Variants in SAXO1 observed in about 807,000 individuals in gnomAD.
The protein encoded by SAXO1 is 4930500O09Rik.
In SAXO1, 21 loss-of-function variants were observed where a neutral mutation model predicts 17.5. The ratio of observed to expected loss-of-function variants is 1.20; its 90% CI spans 0.85 to 1.72. The LOEUF is 1.72. Ranked by LOEUF, SAXO1 falls within the 40% of genes most tolerant of loss-of-function variation. The pLI, the probability that SAXO1 is intolerant of heterozygous loss-of-function variation, is 0.00. For missense variants in SAXO1, 843 were observed against 596.0 expected (o/e 1.41, Z -4.32); for synonymous variants, 274 against 216.5 (o/e 1.27, Z -2.33).
chr9:18,945,794 A>C (rs1831767102), intron 2 of SAXO1, among the ~76,000 whole-genome samples: 1 of 152,184 alleles, frequency 6.6e-6, no homozygotes, highest in Admixed American at 6.5e-5. Flanking sequence ...TTAAAGCTCT[A>C]AAAAGGTAGA....
At chr9:18,964,915 A>C (rs966410965) in intron 1 of SAXO1, among the ~76,000 whole-genome samples, 1 of 152,140 alleles carries the variant, frequency 6.6e-6, no homozygotes, top group South Asian at 2.1e-4. Flanking sequence ...TTCCCTCTAC[A>C]CACTGCTTTA....
intron 1 of SAXO1, among the ~76,000 whole-genome samples, chr9:18,977,532 A>G (rs1833199055): frequency 6.6e-6 from 1 of 152,208 alleles, no homozygotes; most frequent in Admixed American, 6.5e-5. Flanking sequence ...GGGGTGGAAT[A>G]CAAATTTAAA....
intron 1 of SAXO1, among the ~76,000 whole-genome samples, chr9:18,958,126 T>C (rs570014074): frequency 5.3e-5 from 8 of 152,174 alleles, no homozygotes; most frequent in African/African-American, 1.7e-4. Context: ...TGATCAGGGA[T>C]CATAAACCAG....
At chr9:19,034,410 TTA>T (rs569297005), upstream of SAXO1, among the ~76,000 whole-genome samples, 54 of 152,060 alleles carry the variant, frequency 3.6e-4, no homozygotes, top group South Asian at 0.011. Flanking sequence ...GTTGAAAAAA[TTA>T]AAATAATAAT....
upstream of SAXO1, among the ~76,000 whole-genome samples, chr9:19,038,117 G>A (rs1835987177): frequency 6.6e-6 from 1 of 152,196 alleles, no homozygotes; most frequent in South Asian, 2.1e-4. Flanking sequence ...ACAGGTGCCG[G>A]AGAGGATGTG....
At chr9:18,971,229 T>C (rs927168422) in intron 1 of SAXO1, among the ~76,000 whole-genome samples, 1 of 152,180 alleles carries the variant, frequency 6.6e-6, no homozygotes, top group East Asian at 1.9e-4. Flanking sequence ...CAAATTCAAT[T>C]GAGCAGCGAG....
chr9:18,927,977 T>G lies in SAXO1; in HGVS notation c.*75A>C. 6.9e-7 allele frequency: 1 copy of G among 1,444,468 alleles called. No individual in the cohort carries two copies. The highest frequency in any genetic ancestry group is 1.4e-5 in the African/African-American group (1 of 70,686). The allele number at this position is 1,444,468 out of a possible 1,614,324, so 89.5% of individuals were successfully genotyped here. On this transcript the variant is annotated 3_prime_UTR_variant, in exon 4 of 4. Transcript: ENST00000380534. ...TTTTTTGTCATTTTAGGGAATTCTT[T>G]TTTGTCCAACAAATAATTCTCAGTT...
intron 1 of SAXO1, among the ~76,000 whole-genome samples, chr9:19,028,609 CT>C (rs961774131): frequency 6.6e-6 from 1 of 152,184 alleles, no homozygotes; most frequent in Non-Finnish European, 1.5e-5. Flanking sequence ...CAATACTCTG[CT>C]TTTTTGGTGC....
At chr9:18,988,948 A>G (rs1271134622) in intron 1 of SAXO1, among the ~76,000 whole-genome samples, 2 of 152,208 alleles carry the variant, frequency 1.3e-5, no homozygotes, top group African/African-American at 4.8e-5. Flanking sequence ...AGAGGGGAGT[A>G]TAAAAACCTT....
intron 1 of SAXO1, among the ~76,000 whole-genome samples, chr9:19,014,582 G>C (rs886167159): frequency 4.6e-5 from 7 of 151,754 alleles, no homozygotes; most frequent in African/African-American, 1.5e-4. Flanking sequence ...GCCCCAGATA[G>C]AGGAGTGAAA....
chr9:18,972,152 G>C (rs1020575379), intron 1 of SAXO1, among the ~76,000 whole-genome samples: 1 of 152,240 alleles, frequency 6.6e-6, no homozygotes, highest in East Asian at 1.9e-4. Context: ...TCAAGGGAAT[G>C]AAGAGGTGTT....
At chr9:18,996,089 AAAAG>A (rs1358982346) in intron 1 of SAXO1, among the ~76,000 whole-genome samples, 24 of 151,060 alleles carry the variant, frequency 1.6e-4, no homozygotes, top group Admixed American at 1.5e-3. Context: ...CAAAAAAAAA[AAAAG>A]AAAAGAAAGT....
chr9:19,024,074 C>T (rs1835369425), intron 1 of SAXO1, among the ~76,000 whole-genome samples: 1 of 94,940 alleles, frequency 1.1e-5, no homozygotes, highest in Non-Finnish European at 1.9e-5. Flanking sequence ...CTATGTTACT[C>T]TCCAGCTCAA....
chr9:19,001,655 G>A lies in SAXO1; in HGVS notation c.38+31216C>T, dbSNP rs547211569. Reference sequence around the variant, plus strand: ...CACTCTAGCCTGGGCAACAGAGCAAGACTCCGTCAAAAAAAAAAAAAAAGA... The same window carrying A: ...CACTCTAGCCTGGGCAACAGAGCAAAACTCCGTCAAAAAAAAAAAAAAAGA... On this transcript the variant is annotated intron_variant, in intron 1 of 3. Coordinates refer to ENST00000380534, the MANE Select transcript of SAXO1 (RefSeq NM_153707.4). Among the ~76,000 whole-genome samples the A allele has an allele frequency of 3.5e-3, 445 of 127,856 alleles. 8 individuals carry two copies. The South Asian group carries it at 0.055, about 16-fold the overall frequency. 83.9% of individuals were successfully genotyped at this position (127,856 alleles called of 152,430 possible). A position where few individuals can be genotyped will look rare whatever the true frequency, so the allele number is the denominator to read the frequency against.
upstream of SAXO1, among the ~76,000 whole-genome samples, chr9:19,036,806 G>C (rs1473208424): frequency 1.3e-5 from 2 of 152,176 alleles, no homozygotes; most frequent in Non-Finnish European, 2.9e-5. Context: ...CCACCTAGTG[G>C]AGCTGTGAGA....
intron 3 of SAXO1, among the ~76,000 whole-genome samples, chr9:18,929,476 C>T (rs1286493900): frequency 6.6e-6 from 1 of 152,126 alleles, no homozygotes; most frequent in African/African-American, 2.4e-5. Flanking sequence ...ATTCACAACC[C>T]ACCACTGGTG....
chr9:19,028,148 A>T, intron 1 of SAXO1: 1 of 1,548,022 alleles, frequency 6.5e-7, no homozygotes, highest in South Asian at 1.1e-5. Context: ...ACGGCAGGCC[A>T]GCCCCGGACT....
intron 3 of SAXO1, among the ~76,000 whole-genome samples, chr9:18,937,348 T>C (rs1831344244): frequency 6.6e-6 from 1 of 152,164 alleles, no homozygotes; most frequent in African/African-American, 2.4e-5. Flanking sequence ...TTGTAAACAA[T>C]GGTTCAGAAC....
At position 18,968,309 on chromosome 9, in the gene SAXO1, C is replaced by A. The variant is rs189323566; in HGVS notation, c.39-17372G>T. ...ATCCACCTGCCTTGGCCTCCCAAAG[C>A]ACTGGGATTACAGATGTGAGCCACA... On this transcript the variant is annotated intron_variant, in intron 1 of 3. Transcript: ENST00000380534. Among the ~76,000 whole-genome samples the A allele has an allele frequency of 2.1e-3, 312 of 152,162 alleles. 1 individual carries two copies. Among genetic ancestry groups the A allele is most frequent in the Middle Eastern group, 0.01 (3 of 292 alleles).
Sources: gnomAD v4.1 joint callset for allele counts (sites outside exome capture counted in the v4.1 genomes callset) on GRCh38, gnomAD v4.1.1 for gene constraint, MANE v1.5 for transcripts, NCBI Gene and HGNC (gene_info 2026-07-23, HGNC 2026-07-21) for gene names.